The following DNHD1 variants were observed in gnomAD, a reference collection of about 807,000 sequenced individuals.
DNHD1 encodes the protein dynein heavy chain domain 1, also known as dynein heavy chain domain-containing protein 1.
In DNHD1, 383 loss-of-function variants were observed where a neutral mutation model predicts 458.1. The ratio of observed to expected loss-of-function variants is 0.84; its 90% CI spans 0.77 to 0.91. The LOEUF is 0.91. Ranked by LOEUF, DNHD1 falls within the 40% of genes least tolerant of loss-of-function variation. The pLI is 0.00. For synonymous variants in DNHD1, 2,203 were observed against 2,376.9 expected (o/e 0.93, Z 2.13); for missense variants, 5,336 against 5,866.1 (o/e 0.91, Z 2.95).
chr11:6,546,900 C>G lies in DNHD1; in HGVS notation c.5961C>G (p.Gly1987=). 6.4e-7 allele frequency: 1 copy of G among 1,551,708 alleles called. No homozygotes were observed. The highest frequency in any genetic ancestry group is 8.7e-7 in the Non-Finnish European group (1 of 1,146,974). The change falls in exon 21 of 43, where the codon GGC becomes GGG. Residue 1987 remains glycine (G), a synonymous_variant. Coordinates refer to ENST00000254579, the MANE Select transcript of DNHD1 (RefSeq NM_144666.3). Reference sequence around the variant, plus strand: ...GCCAGGCCCTGAGCCGGGCCTCAGGCATTCTGCTCCTGGGCCCTGCGGGCA... The same window carrying G: ...GCCAGGCCCTGAGCCGGGCCTCAGGGATTCTGCTCCTGGGCCCTGCGGGCA... ...QLSQALSRAS[G]ILLLGPAGSG...
Position 6,570,228 on chromosome 11 carries a change from ACT to A in DNHD1, c.12956-16_12956-15del, listed in dbSNP as rs1368099143. The A allele has an allele frequency of 1.2e-6, 2 of 1,613,268 alleles. No homozygotes were observed. Among genetic ancestry groups the A allele is most frequent in the East Asian group, 2.2e-5 (1 of 44,852 alleles). On this transcript the variant is annotated splice_polypyrimidine_tract_variant and intron_variant, in intron 40 of 42. Transcript: ENST00000254579. ...AAACTGAAGGTACTGGAACTGAGAG[ACT>A]CTAACCTCATCTTCAGCTTCAGTTT...
rs180738817 is a variant in DNHD1, at chr11:6,517,639, T to C, written c.1393-1961T>C. On this transcript the variant is annotated intron_variant, in intron 7 of 42. Transcript: ENST00000254579. ...CAGACAAGGAAAGACAAATACTGTA[T>C]GATCTAGGACTTCTTTTTTTTTTTT... is the stretch of plus-strand genomic sequence containing the variant. 1.6e-4 allele frequency among the ~76,000 whole-genome samples: 22 copies of C among 141,400 alleles called. 1 individual carries two copies. In the South Asian group the frequency reaches 2.5e-3, roughly 16 times the overall value. The allele number at this position is 141,400 out of a possible 152,430, so 92.8% of individuals were successfully genotyped here. A position where few individuals can be genotyped will look rare whatever the true frequency, so the allele number is the denominator to read the frequency against.
rs1187101178 is a variant in DNHD1 at position 6,509,220 on chromosome 11, C to T, written c.1183C>T (p.His395Tyr). The T allele has an allele frequency of 7.4e-6, 12 of 1,614,216 alleles. No homozygotes were observed. In the South Asian group the frequency reaches 9.9e-5, roughly 13 times the overall value. The change falls in exon 6 of 43, where the codon CAT becomes TAT. Residue 395 changes from histidine (H) to tyrosine (Y), a missense_variant. Physicochemically the swap from His to Tyr is moderately conservative, Grantham distance 83 (BLOSUM62 2). Around this residue, in one of 4 missense-constraint regions of DNHD1, gnomAD observed 3,932 missense variants for 4,365.6 expected, o/e 0.90. Coordinates refer to ENST00000254579, the MANE Select transcript of DNHD1 (RefSeq NM_144666.3). ...LHRLQKFLEN[H>Y]LLLAVPHFGA... Reference sequence around the variant, plus strand: ...TCGACTCCAGAAATTCCTAGAGAATCATCTGCTCTTGGCTGTGCCCCACTT... The same window carrying T: ...TCGACTCCAGAAATTCCTAGAGAATTATCTGCTCTTGGCTGTGCCCCACTT...
chr11:6,517,652 CTTTTTTTTTTTTTTTT>C (rs59300977), intron 7 of DNHD1, among the ~76,000 whole-genome samples: 1,720 of 59,152 alleles, frequency 0.029, 79 homozygotes, highest in African/African-American at 0.089. Flanking sequence ...TCTAGGACTT[CTTTTTTTTTTTTTTTT>C]TTTTTTTTTT....
rs1359715903 is a variant in DNHD1, at chr11:6,545,367, T to G, written c.4428T>G (p.Ser1476=). The G allele has an allele frequency of 6.4e-7, 1 of 1,551,754 alleles. No individual in the cohort carries two copies. Among genetic ancestry groups the G allele is most frequent in the South Asian group, 1.2e-5 (1 of 84,064 alleles). Residue 1476 remains serine, a synonymous_variant, in exon 21 of 43, where the codon TCT becomes TCG. Coordinates refer to ENST00000254579, the MANE Select transcript of DNHD1 (RefSeq NM_144666.3). This position sits in a 1 kb window ranked among gnomAD's most constrained non-coding sequence, Gnocchi z 4.9. ...CTGCTCGCCTTGCTCGAGGCCCATC[T>G]CTAGGTGAGGCCCTCAAGCAACTGC... ...CVAARLARGP[S]LGEALKQLPK... is the part of the protein sequence containing the mutation.
chr11:6,566,174 G>A (rs1378200763), intron 33 of DNHD1, 67 bp from the exon 34 acceptor site: 16 of 1,530,060 alleles, frequency 1.0e-5, no homozygotes, highest in South Asian at 3.7e-5. Flanking sequence ...GCCAGACCTC[G>A]TGCCTGGGGA....
At chr11:6,520,835 G>A in intron 10 of DNHD1, 1 of 988,150 alleles carries the variant, frequency 1.0e-6, no homozygotes. Context: ...TACTAATGCT[G>A]TCACAAATAA....
intron 24 of DNHD1, among the ~76,000 whole-genome samples, chr11:6,552,451 G>C (rs1465765353): frequency 6.6e-6 from 1 of 152,066 alleles, no homozygotes; most frequent in African/African-American, 2.4e-5. Context: ...TTGAACCTGG[G>C]AGGCAGAGGT....
At position 6,567,847 on chromosome 11, in the gene DNHD1, C is replaced by T; in HGVS notation, c.12338C>T (p.Ala4113Val). The change falls in exon 36 of 43, where the codon GCC (alanine) becomes GTC (valine). Residue 4113 changes from alanine (A) to valine (V), a missense_variant. Ala to Val is a moderately conservative substitution (Grantham distance 64). Transcript: ENST00000254579. ...CTGACTGTCATCCAGAAACTGGCTG[C>T]CAAGTATCAGCAGGTTTGAACCTAG... ...HPLTVIQKLA[A>V]KYQQGQKQLQ... 1 of 1,611,474 alleles carries T rather than the reference C, an allele frequency of 6.2e-7. No individual in the cohort carries two copies. The highest frequency in any genetic ancestry group is 1.1e-5 in the South Asian group (1 of 91,006).
chr11:6,561,195 G>C (rs1227145264), intron 28 of DNHD1, among the ~76,000 whole-genome samples: 1 of 152,154 alleles, frequency 6.6e-6, no homozygotes, highest in Non-Finnish European at 1.5e-5. Context: ...CAGCACTTTG[G>C]AAGGCCACTG....
chr11:6,529,103 G>A lies in DNHD1; in HGVS notation c.2329G>A (p.Asp777Asn). The change falls in exon 12 of 43, where the codon GAT becomes AAT. Residue 777 changes from aspartate to asparagine, a missense_variant. Transcript: ENST00000254579. ...CGGGTTGCTGCTACTTAGCTGCCAT[G>A]ATGTACAGGCAGAGATGGGTGAGTA... ...KGGLLLLSCH[D>N]VQAEMESKLN... 1 of 1,550,214 alleles carries A rather than the reference G, an allele frequency of 6.5e-7. No individual in the cohort carries two copies. The highest frequency in any genetic ancestry group is 2.4e-5 in the East Asian group (1 of 40,916).
chr11:6,534,919 G>C (rs1040012816), intron 14 of DNHD1, among the ~76,000 whole-genome samples: 3 of 152,112 alleles, frequency 2.0e-5, no homozygotes. Flanking sequence ...GCTAATTTTT[G>C]TATTTTTTGT....
chr11:6,497,901 CACGTCTGT>C lies in DNHD1; in HGVS notation c.-314_-307del. ...GGAACTCTTCTGCAAGGAGGGCTCTCACGTCTGTCTTAGGCCTGCTCCTTACCAGAGTC... is the reference window on the plus strand; with the variant it reads ...GGAACTCTTCTGCAAGGAGGGCTCTCCTTAGGCCTGCTCCTTACCAGAGTC... On this transcript the variant is annotated 5_prime_UTR_variant, in exon 3 of 43. The change creates a premature stop within an existing upstream ORF in the 5' untranslated region. Coordinates refer to ENST00000254579, the MANE Select transcript of DNHD1 (RefSeq NM_144666.3). 1 of 357,566 alleles carries C rather than the reference CACGTCTGT, an allele frequency of 2.8e-6. No individual in the cohort carries two copies. Among genetic ancestry groups the C allele is most frequent in the Non-Finnish European group, 5.2e-6 (1 of 193,560 alleles). 22.1% of individuals were successfully genotyped at this position (357,566 alleles called of 1,614,324 possible). A position where few individuals can be genotyped will look rare whatever the true frequency, so the allele number is the denominator to read the frequency against.
Position 6,557,065 on chromosome 11 carries a change from C to T in DNHD1, c.7770C>T (p.Ser2590=). The change falls in exon 25 of 43, where the codon TCC becomes TCT. Residue 2590 remains serine, a synonymous_variant. Coordinates refer to ENST00000254579, the MANE Select transcript of DNHD1 (RefSeq NM_144666.3). ...CCCTCCACCCACACTACCACTTCTC[C>T]CTACACTCTGTGAGCCACCTACTGA... The part of the protein sequence containing the change: ...PSPLHPHYHF[S]LHSVSHLLSS... The T allele has an allele frequency of 6.4e-7, 1 of 1,551,736 alleles. No individual in the cohort carries two copies. Among genetic ancestry groups the T allele is most frequent in the African/African-American group, 1.4e-5 (1 of 73,178 alleles).
At chr11:6,553,414 C>T (rs1853402242) in intron 24 of DNHD1, among the ~76,000 whole-genome samples, 1 of 152,200 alleles carries the variant, frequency 6.6e-6, no homozygotes, top group Non-Finnish European at 1.5e-5. Flanking sequence ...ATATTGAATA[C>T]TGTCCCCCTA....
intron 26 of DNHD1, 40 bp from the exon 27 acceptor site, chr11:6,558,862 A>G (rs1023564645): frequency 2.6e-6 from 4 of 1,546,372 alleles, no homozygotes; most frequent in Non-Finnish European, 3.5e-6. Context: ...CTGTTTTCCT[A>G]CAAGCTCACA....
At position 6,534,899 on chromosome 11, in the gene DNHD1, A is replaced by G. The variant is rs570734232; in HGVS notation, c.2998+726A>G. On this transcript the variant is annotated intron_variant, in intron 14 of 42. Transcript: ENST00000254579. ...GTAGCTGGGACTACAGGTGTGTGCC[A>G]CCATGCCTGGCTAATTTTTGTATTT... 1.7e-3 allele frequency among the ~76,000 whole-genome samples: 264 copies of G among 152,256 alleles called. 1 individual carries two copies. The highest frequency in any genetic ancestry group is 2.8e-3 in the Non-Finnish European group (192 of 67,998).
In DNHD1 at chr11:6,547,683, G is replaced by A. The variant is rs1480429238; in HGVS notation, c.6727+17G>A. ...CTGGCCCAGGTGGGAAGATGGACGG[G>A]CTGGTTTGAGAGAGATGGGGCCTTA... On this transcript the variant is annotated intron_variant, in intron 21 of 42. Coordinates refer to ENST00000254579, the MANE Select transcript of DNHD1 (RefSeq NM_144666.3). 6.0e-6 allele frequency: 9 copies of A among 1,509,810 alleles called. No homozygotes were observed. The highest frequency in any genetic ancestry group is 1.4e-5 in the African/African-American group (1 of 72,284). The allele number at this position is 1,509,810 out of a possible 1,614,324, so 93.5% of individuals were successfully genotyped here.
chr11:6,557,770 G>A lies in DNHD1; in HGVS notation c.8475G>A (p.Leu2825=). 2 of 1,551,658 alleles carry A rather than the reference G, an allele frequency of 1.3e-6. No homozygotes were observed. The highest frequency in any genetic ancestry group is 1.2e-5 in the South Asian group (1 of 84,064). ...KPSDLVFSQE[L]ILGPNSETPN... ...CAGACCTGGTCTTCAGTCAGGAGCT[G>A]ATACTGGGGCCTAACTCTGAGACCC... Residue 2825 remains leucine, a synonymous_variant, in exon 25 of 43, where the codon CTG becomes CTA. Coordinates refer to ENST00000254579, the MANE Select transcript of DNHD1 (RefSeq NM_144666.3).
Sources: allele counts gnomAD v4.1 joint callset (sites outside exome capture counted in the v4.1 genomes callset), GRCh38; gene constraint gnomAD v4.1.1; regional missense constraint gnomAD v4.1.1; non-coding constraint Gnocchi (gnomAD v3.1); transcripts MANE v1.5; gene names NCBI Gene and HGNC (gene_info 2026-07-23, HGNC 2026-07-21).